The following ADGRD1 variants were observed in gnomAD, a reference collection of about 807,000 sequenced individuals.
The protein encoded by ADGRD1 is G-protein coupled receptor 133.
A neutral mutation model predicts 113.4 loss-of-function variants in ADGRD1; 77 were observed. That is an observed-to-expected ratio of 0.68 (90% CI 0.57 to 0.82). The LOEUF is 0.82. Among genes scored for constraint, ADGRD1 ranks in the 40% least tolerant of loss-of-function variants. The pLI, the probability that ADGRD1 is intolerant of heterozygous loss-of-function variation, is 0.00. For missense variants in ADGRD1, 1,036 were observed against 1,139.1 expected (o/e 0.91, Z 1.30); for synonymous variants, 474 against 475.0 (o/e 1.00, Z 0.03).
At chr12:131,128,019 C>G (rs1176664819) in intron 20 of ADGRD1, among the ~76,000 whole-genome samples, 2 of 115,930 alleles carry the variant, frequency 1.7e-5, no homozygotes, top group Non-Finnish European at 3.5e-5. Flanking sequence ...TGATGGGACT[C>G]TGAGCTCAGG....
rs1295979290 is a variant in ADGRD1 at position 131,113,110 on chromosome 12, C to G, written c.2041+4233C>G. On this transcript the variant is annotated intron_variant, in intron 18 of 24. Transcript: ENST00000261654. The surrounding 1 kb of genome is among the most constrained non-coding windows in gnomAD (Gnocchi z 4.9). ...CACCTACTTGGAGCAGAGCCTCTCT[C>G]ACACCAAGCTGGGCAGGGAAGCAGG... Among the ~76,000 whole-genome samples, 1 of 152,174 alleles carries G rather than the reference C, an allele frequency of 6.6e-6. No individual in the cohort carries two copies. The highest frequency in any genetic ancestry group is 1.9e-4 in the East Asian group (1 of 5,198).
chr12:131,046,123 C>T (rs576091687), intron 13 of ADGRD1, among the ~76,000 whole-genome samples: 4 of 150,232 alleles, frequency 2.7e-5, no homozygotes, highest in East Asian at 4.0e-4. Context: ...AGTGTCCTCC[C>T]TGGTCAGTGC....
chr12:131,022,981 G>A lies in ADGRD1; in HGVS notation c.1473+8641G>A, dbSNP rs1044705661. On this transcript the variant is annotated intron_variant, in intron 13 of 24. Coordinates refer to ENST00000261654, the MANE Select transcript of ADGRD1 (RefSeq NM_198827.5). This position sits in a 1 kb window ranked among gnomAD's most constrained non-coding sequence, Gnocchi z 4.6. ...ACCTGTTTCTGGTCTAAGACTGTGG[G>A]ATTCATTTAGCCTTTCCTTGTATGT... is the stretch of plus-strand genomic sequence containing the variant. The A allele has an allele frequency of 5.9e-5, 9 of 152,020 alleles. No individual in the cohort carries two copies. Among genetic ancestry groups the A allele is most frequent in the Non-Finnish European group, 1.2e-4 (8 of 68,008 alleles). 9.4% of individuals were successfully genotyped at this position (152,020 alleles called of 1,614,324 possible).
chr12:131,082,480 G>C (rs770882328), intron 14 of ADGRD1, among the ~76,000 whole-genome samples: 4 of 152,150 alleles, frequency 2.6e-5, no homozygotes, highest in African/African-American at 9.7e-5. Flanking sequence ...CCATCTGAGC[G>C]ATGTGACTTT....
chr12:131,003,265 G>A lies in ADGRD1; in HGVS notation c.1107G>A (p.Thr369=), dbSNP rs532956146. 14 of 1,613,870 alleles carry A rather than the reference G, an allele frequency of 8.7e-6. No homozygotes were observed. The highest frequency in any genetic ancestry group is 5.0e-5 in the Admixed American group (3 of 60,024). Residue 369 remains threonine (T), a synonymous_variant, in exon 10 of 25, where the codon ACG becomes ACA. Coordinates refer to ENST00000261654, the MANE Select transcript of ADGRD1 (RefSeq NM_198827.5). This position sits in a 1 kb window ranked among gnomAD's most constrained non-coding sequence, Gnocchi z 4.8. ...TATCCTCCAACCTGCACGGCAGCAC[G>A]CCCCAGGTCACCGTGGAGGGCTCCT... ...GHVSSNLHGS[T]PQVTVEGSSA...
At chr12:131,006,175 T>A in intron 12 of ADGRD1, 128 bp downstream of exon 12, 1 of 793,792 alleles carries the variant, frequency 1.3e-6, no homozygotes, top group Non-Finnish European at 2.1e-6. Flanking sequence ...GGCGCTTCAC[T>A]GCTCGGGCAA....
chr12:131,006,849 G>A (rs1162983223), intron 12 of ADGRD1, among the ~76,000 whole-genome samples: 1 of 152,190 alleles, frequency 6.6e-6, no homozygotes, highest in Non-Finnish European at 1.5e-5. Flanking sequence ...AGAAAGTGGG[G>A]GGCCTGCCAC....
Position 130,993,379 on chromosome 12 carries a change from C to A in ADGRD1, c.966+987C>A, listed in dbSNP as rs997725752. On this transcript the variant is annotated intron_variant, in intron 8 of 24. Coordinates refer to ENST00000261654, the MANE Select transcript of ADGRD1 (RefSeq NM_198827.5). ...GAAGTTAGACTTCTCAGATTTCATT[C>A]ATTCATTCATTCATTCATTCATTCA... 5.4e-5 allele frequency among the ~76,000 whole-genome samples: 8 copies of A among 148,882 alleles called. No homozygotes were observed. In the Admixed American group the frequency reaches 5.4e-4, roughly 10 times the overall value.
intron 13 of ADGRD1, among the ~76,000 whole-genome samples, chr12:131,054,301 C>T (rs757118081): frequency 1.3e-5 from 2 of 152,252 alleles, no homozygotes; most frequent in African/African-American, 2.4e-5. Context: ...CCTCCCTCCC[C>T]TGTCCCAAGG....
chr12:130,966,838 C>G lies in ADGRD1; in HGVS notation c.187+292C>G, dbSNP rs1871056512. 2 of 401,826 alleles carry G rather than the reference C, an allele frequency of 5.0e-6. No individual in the cohort carries two copies. Among genetic ancestry groups the G allele is most frequent in the Non-Finnish European group, 9.6e-6 (2 of 208,032 alleles). 24.9% of individuals were successfully genotyped at this position (401,826 alleles called of 1,614,324 possible). A position where few individuals can be genotyped will look rare whatever the true frequency, so the allele number is the denominator to read the frequency against. On this transcript the variant is annotated intron_variant, in intron 3 of 24. Transcript: ENST00000261654. The surrounding 1 kb of genome is among the most constrained non-coding windows in gnomAD (Gnocchi z 4.6). The stretch of plus-strand genomic sequence containing the variant: ...GGTCTTGCTATGTTGCCAGGCTGGT[C>G]TCAAGCTCCTGGCCTCAGCAATCCT...
At chr12:131,014,651 G>C (rs1306107612) in intron 13 of ADGRD1, among the ~76,000 whole-genome samples, 1 of 152,192 alleles carries the variant, frequency 6.6e-6, no homozygotes, top group African/African-American at 2.4e-5. Flanking sequence ...ACTGGAGGAG[G>C]GGGGTACCTT....
chr12:130,961,828 T>TA (rs959629335), intron 2 of ADGRD1, among the ~76,000 whole-genome samples: 6 of 151,902 alleles, frequency 3.9e-5, no homozygotes, highest in Middle Eastern at 3.4e-3. Flanking sequence ...GATTTTGCTT[T>TA]AAAAAAAAAT....
rs1222358209 is a variant in ADGRD1, at chr12:130,987,181, C to A, written c.577C>A (p.Pro193Thr). 1 of 1,614,158 alleles carries A rather than the reference C, an allele frequency of 6.2e-7. No individual in the cohort carries two copies. Among genetic ancestry groups the A allele is most frequent in the Non-Finnish European group, 8.5e-7 (1 of 1,179,978 alleles). The change falls in exon 6 of 25, where the codon CCG becomes ACG. Residue 193 changes from proline to threonine, a missense_variant. Transcript: ENST00000261654. Reference sequence around the variant, plus strand: ...CAACGGGACCCTGAGCACCTCTGATCCGAGTGGAAAAGTGTCTCGTGACTA... The same window carrying A: ...CAACGGGACCCTGAGCACCTCTGATACGAGTGGAAAAGTGTCTCGTGACTA... ...YVNGTLSTSDPSGKVSRDYGE... is the reference protein window; with the variant it reads ...YVNGTLSTSDTSGKVSRDYGE...
intron 2 of ADGRD1, among the ~76,000 whole-genome samples, chr12:130,961,827 T>C (rs1340817234): frequency 6.6e-6 from 1 of 152,172 alleles, no homozygotes; most frequent in Non-Finnish European, 1.5e-5. Flanking sequence ...AGATTTTGCT[T>C]TAAAAAAAAA....
chr12:130,980,094 G>A (rs1183658931), intron 4 of ADGRD1, among the ~76,000 whole-genome samples: 1 of 151,880 alleles, frequency 6.6e-6, no homozygotes, highest in Non-Finnish European at 1.5e-5. Context: ...CAGGAGCTGG[G>A]CTTTTGCGGT....
chr12:131,118,419 AT>A lies in ADGRD1; in HGVS notation c.2079del (p.Phe693LeufsTer25). On this transcript the variant is annotated frameshift_variant, in exon 19 of 25. Transcript: ENST00000261654. LOFTEE classifies it high-confidence loss of function. ...PLLICIISLS[F>X]AMDSYGTSNN... ...TTCTGATCTGCATCATTTCACTGTC[AT>A]TTGCCATGGACAGTTACGGAACAAG... 6.2e-7 allele frequency: 1 copy of A among 1,612,328 alleles called. No individual in the cohort carries two copies. Among genetic ancestry groups the A allele is most frequent in the Non-Finnish European group, 8.5e-7 (1 of 1,179,360 alleles).
In ADGRD1 at chr12:131,050,337, G is replaced by T. The variant is rs1883258461; in HGVS notation, c.1474-26464G>T. On this transcript the variant is annotated intron_variant, in intron 13 of 24. Transcript: ENST00000261654. This position sits in a 1 kb window ranked among gnomAD's most constrained non-coding sequence, Gnocchi z 4.8. ...TCTGGAGTTGCTGGAACTAAAATTT[G>T]ACTTGTGTTTTTCTAGCCCAAATTT... Among the ~76,000 whole-genome samples the T allele has an allele frequency of 6.6e-6, 1 of 152,122 alleles. No homozygotes were observed. The highest frequency in any genetic ancestry group is 2.4e-5 in the African/African-American group (1 of 41,414).
intron 18 of ADGRD1, among the ~76,000 whole-genome samples, chr12:131,116,989 C>T (rs1334843348): frequency 1.3e-5 from 2 of 152,200 alleles, no homozygotes; most frequent in South Asian, 2.1e-4. Flanking sequence ...AGACAAATTC[C>T]GTGGATGGCT....
At chr12:131,045,843 A>T (rs1882643586) in intron 13 of ADGRD1, among the ~76,000 whole-genome samples, 1 of 152,018 alleles carries the variant, frequency 6.6e-6, no homozygotes, top group Non-Finnish European at 1.5e-5. Context: ...GACCAAGGTG[A>T]TAGCGCCCGT....
Sources: gnomAD v4.1 joint callset for allele counts (sites outside exome capture counted in the v4.1 genomes callset) on GRCh38, gnomAD v4.1.1 for gene constraint, Gnocchi (gnomAD v3.1) non-coding constraint, MANE v1.5 for transcripts, NCBI Gene and HGNC (gene_info 2026-07-23, HGNC 2026-07-21) for gene names.